The following NEBL variants were observed in gnomAD, a reference collection of about 807,000 sequenced individuals.
NEBL encodes the protein nebulette.
Under a neutral mutation model 140.2 loss-of-function variants are expected in NEBL, and 122 were observed. The observed-to-expected ratio is 0.87, with a 90% CI of 0.75 to 1.01. The LOEUF is 1.01. Ranked by LOEUF, NEBL falls within the 50% of genes least tolerant of loss-of-function variation. The pLI is 0.00. For missense variants in NEBL, 1,365 were observed against 1,231.3 expected (o/e 1.11, Z -1.62); for synonymous variants, 436 against 398.9 (o/e 1.09, Z -1.11).
At chr10:21,272,485 A>T (rs910520521) in intron 1 of NEBL, among the ~76,000 whole-genome samples, 3 of 152,006 alleles carry the variant, frequency 2.0e-5, no homozygotes, top group African/African-American at 4.8e-5. Context: ...GCTACTCACG[A>T]GGCTGAGGTA....
At chr10:21,144,752 A>G (rs1405166396) in intron 2 of NEBL, among the ~76,000 whole-genome samples, 2 of 152,082 alleles carry the variant, frequency 1.3e-5, no homozygotes, top group Non-Finnish European at 2.9e-5. Flanking sequence ...AAAAAAAGGC[A>G]GATTGGAATA....
At chr10:21,145,014 C>G (rs1014991290) in intron 2 of NEBL, among the ~76,000 whole-genome samples, 1 of 149,098 alleles carries the variant, frequency 6.7e-6, no homozygotes, top group African/African-American at 2.5e-5. Context: ...AAAAGGCTAA[C>G]CACAGAAGTA....
Position 20,785,687 on chromosome 10 carries a change from T to C in NEBL, c.*60A>G. The C allele has an allele frequency of 2.6e-6, 4 of 1,557,618 alleles. No individual in the cohort carries two copies. The highest frequency in any genetic ancestry group is 3.5e-6 in the Non-Finnish European group (4 of 1,142,048). On this transcript the variant is annotated 3_prime_UTR_variant, in exon 28 of 28. Coordinates refer to ENST00000377122, the MANE Select transcript of NEBL (RefSeq NM_006393.3). ...AGTTGTCTTAAAAGTATCTTCTATCTTTTAAAAAGATTAGGTTTGGGATAC... is the reference window on the plus strand; with the variant it reads ...AGTTGTCTTAAAAGTATCTTCTATCCTTTAAAAAGATTAGGTTTGGGATAC...
intron 18 of NEBL, among the ~76,000 whole-genome samples, chr10:20,825,334 A>G (rs1430700256): frequency 6.6e-6 from 1 of 152,154 alleles, no homozygotes; most frequent in East Asian, 1.9e-4. Context: ...AGGGATTTAA[A>G]GAACGAATCC....
chr10:20,942,008 A>G (rs55763641), intron 4 of NEBL, among the ~76,000 whole-genome samples: 1 of 152,108 alleles, frequency 6.6e-6, no homozygotes, highest in Non-Finnish European at 1.5e-5. Context: ...AAATGGCCAC[A>G]CTGCCCAAGG....
At chr10:20,797,961 G>A (rs1205665198) in intron 26 of NEBL, among the ~76,000 whole-genome samples, 1 of 151,992 alleles carries the variant, frequency 6.6e-6, no homozygotes, top group Non-Finnish European at 1.5e-5. Context: ...ATACTCACCA[G>A]GCATGGTGGA....
At chr10:21,152,589 A>T (rs1840186599) in intron 2 of NEBL, among the ~76,000 whole-genome samples, 1 of 152,038 alleles carries the variant, frequency 6.6e-6, no homozygotes, top group African/African-American at 2.4e-5. Flanking sequence ...AAAAGAAAAA[A>T]AAAAAATCCA....
At chr10:20,818,891 T>C (rs1476673609) in intron 20 of NEBL, 2 of 985,566 alleles carry the variant, frequency 2.0e-6, no homozygotes, top group South Asian at 4.6e-5. Context: ...GTAAAACTTT[T>C]CCTTTTTAAA....
intron 24 of NEBL, 52 bp from the exon 25 acceptor site, chr10:20,809,950 G>GAAAAAAAAAAAAAAAAAA (rs200571909): frequency 5.9e-6 from 4 of 683,194 alleles, no homozygotes; most frequent in African/African-American, 2.5e-5. Context: ...TTTAAAAAAG[G>GAAAAAAAAAAAAAAAAAA]AAAAAAAAAA....
At chr10:20,972,716 C>T (rs1039304077) in intron 3 of NEBL, among the ~76,000 whole-genome samples, 5 of 151,866 alleles carry the variant, frequency 3.3e-5, no homozygotes, top group African/African-American at 1.2e-4. Context: ...CACTGCACTC[C>T]AGCCTGGTGA....
At chr10:20,978,816 A>G (rs1377217688) in intron 3 of NEBL, among the ~76,000 whole-genome samples, 1 of 152,138 alleles carries the variant, frequency 6.6e-6, no homozygotes, top group Non-Finnish European at 1.5e-5. Flanking sequence ...TTGCTGCTAA[A>G]AATAAAAGTT....
chr10:21,104,941 T>A (rs1306292790), intron 2 of NEBL, among the ~76,000 whole-genome samples: 1 of 152,216 alleles, frequency 6.6e-6, no homozygotes, highest in South Asian at 2.1e-4. Context: ...GAATTGATGT[T>A]GCGCATAGTA....
At chr10:20,798,991 C>A (rs192135215) in intron 26 of NEBL, among the ~76,000 whole-genome samples, 1 of 152,042 alleles carries the variant, frequency 6.6e-6, no homozygotes, top group East Asian at 1.9e-4. Context: ...TTCTTAGGGA[C>A]GTAACAGAAT....
chr10:21,004,665 A>G (rs888357127), intron 3 of NEBL, among the ~76,000 whole-genome samples: 3 of 151,970 alleles, frequency 2.0e-5, no homozygotes, highest in Admixed American at 1.3e-4. Context: ...GCTTGCAGTG[A>G]GTCGAGATTG....
At chr10:21,048,784 T>A (rs1312247226) in intron 2 of NEBL, among the ~76,000 whole-genome samples, 1 of 152,052 alleles carries the variant, frequency 6.6e-6, no homozygotes, top group Non-Finnish European at 1.5e-5. Context: ...TCACCTTAGG[T>A]CAGGAGTACG....
At chr10:21,223,908 G>A (rs571442607) in intron 3 of NEBL, among the ~76,000 whole-genome samples, 1 of 152,146 alleles carries the variant, frequency 6.6e-6, no homozygotes, top group East Asian at 1.9e-4. Context: ...ATTGTTTTGA[G>A]CTCCTTATAT....
At chr10:21,283,593 G>C (rs565234152) in intron 1 of NEBL, among the ~76,000 whole-genome samples, 1 of 152,172 alleles carries the variant, frequency 6.6e-6, no homozygotes, top group South Asian at 2.1e-4. Flanking sequence ...GTTTTAGAAA[G>C]GTTATAGAGT....
intron 12 of NEBL, among the ~76,000 whole-genome samples, chr10:20,844,673 T>A (rs2131001690): frequency 6.6e-6 from 1 of 151,974 alleles, no homozygotes; most frequent in Admixed American, 6.6e-5. Context: ...TGGACATGAG[T>A]TCCTCTATTC....
intron 4 of NEBL, among the ~76,000 whole-genome samples, chr10:20,904,841 C>T (rs538032514): frequency 2.0e-5 from 3 of 152,276 alleles, no homozygotes; most frequent in South Asian, 4.1e-4. Flanking sequence ...CTGTCAACAC[C>T]GTATCAAGAG....
Sources: gnomAD v4.1 joint callset for allele counts (sites outside exome capture counted in the v4.1 genomes callset) on GRCh38, gnomAD v4.1.1 for gene constraint, MANE v1.5 for transcripts, NCBI Gene and HGNC (gene_info 2026-07-23, HGNC 2026-07-21) for gene names.